Variants in FARP1 observed in about 807,000 individuals in gnomAD.
FARP1 encodes FERM, ARH/RhoGEF and pleckstrin domain protein 1.
FARP1 carries 52 observed loss-of-function variants against 128.8 expected under a neutral mutation model. The observed-to-expected ratio is 0.40, with a 90% CI of 0.32 to 0.51. The LOEUF (loss-of-function observed/expected upper bound fraction) is 0.51. Ranked by LOEUF, FARP1 falls within the 20% of genes least tolerant of loss-of-function variation. The pLI, the probability that FARP1 is intolerant of heterozygous loss-of-function variation, is 0.45. For synonymous variants in FARP1, 580 were observed against 551.8 expected (o/e 1.05, Z -0.72); for missense variants, 1,333 against 1,367.9 (o/e 0.97, Z 0.40).
At chr13:98,428,650 C>T (rs908597713) in intron 17 of FARP1, among the ~76,000 whole-genome samples, 1 of 152,182 alleles carries the variant, frequency 6.6e-6, no homozygotes, top group African/African-American at 2.4e-5. Flanking sequence ...CTCTCCAGAC[C>T]CTGCTCCCAA....
intron 1 of FARP1, among the ~76,000 whole-genome samples, chr13:98,210,050 T>C (rs1594273758): frequency 6.6e-6 from 1 of 151,774 alleles, no homozygotes; most frequent in East Asian, 1.9e-4. Context: ...AAAACTTTGT[T>C]GATACTATAG....
At chr13:98,180,636 T>G (rs1878438147) in intron 1 of FARP1, among the ~76,000 whole-genome samples, 1 of 152,232 alleles carries the variant, frequency 6.6e-6, no homozygotes, top group Admixed American at 6.5e-5. Context: ...GTTGAGATTT[T>G]TCAGCTCACT....
intron 1 of FARP1, among the ~76,000 whole-genome samples, chr13:98,185,580 G>A (rs1347096496): frequency 6.6e-6 from 1 of 151,970 alleles, no homozygotes; most frequent in African/African-American, 2.4e-5. Context: ...ACCATTCCTG[G>A]GAAGCAGCAT....
chr13:98,353,869 C>T (rs897983506), intron 3 of FARP1, among the ~76,000 whole-genome samples: 4 of 150,494 alleles, frequency 2.7e-5, no homozygotes, highest in African/African-American at 9.8e-5. Flanking sequence ...CTTCTTACCA[C>T]AATTTTTAAG....
intron 17 of FARP1, chr13:98,425,367 G>GTT (rs60633064): frequency 0.18 from 25,975 of 147,362 alleles, 2,351 homozygotes; most frequent in Middle Eastern, 0.25. Flanking sequence ...GGCAAATATA[G>GTT]TTTTTTTTTT....
At chr13:98,350,763 C>G (rs545163549) in intron 3 of FARP1, among the ~76,000 whole-genome samples, 1 of 152,124 alleles carries the variant, frequency 6.6e-6, no homozygotes, top group African/African-American at 2.4e-5. Context: ...TTCCCCTCCC[C>G]GGGCTAGCCA....
chr13:98,333,231 G>T (rs1220230692), intron 2 of FARP1: 1 of 152,122 alleles, frequency 6.6e-6, no homozygotes, highest in Admixed American at 6.6e-5. Context: ...AAAGTATCAA[G>T]CTGTCAAGAT....
intron 16 of FARP1, among the ~76,000 whole-genome samples, chr13:98,421,113 A>G (rs9582229): frequency 2.0e-5 from 3 of 152,060 alleles, no homozygotes; most frequent in South Asian, 2.1e-4. Context: ...CCTCTTTACA[A>G]TTAGGGATTT....
chr13:98,186,109 T>TC (rs556213286), intron 1 of FARP1, among the ~76,000 whole-genome samples: 48 of 152,110 alleles, frequency 3.2e-4, no homozygotes, highest in Admixed American at 6.5e-4. Flanking sequence ...CTTTTTCTTT[T>TC]CTTTTTTTTT....
chr13:98,316,273 A>C (rs1189164569), intron 2 of FARP1, among the ~76,000 whole-genome samples: 1 of 152,126 alleles, frequency 6.6e-6, no homozygotes, highest in Non-Finnish European at 1.5e-5. Context: ...CACCATTAAC[A>C]AGCAAAACCC....
Position 98,435,689 on chromosome 13 carries a change from C to G in FARP1, c.2257C>G (p.Leu753Val). 6.2e-7 allele frequency: 1 copy of G among 1,614,154 alleles called. No homozygotes were observed. The highest frequency in any genetic ancestry group is 1.7e-5 in the Admixed American group (1 of 60,030). ...GAAAGATTTGATTGGCATTGACAAT[C>G]TTGTGGTTCCGGGAAGGGTAAGCAG... ...LKKDLIGIDN[L>V]VVPGREFIRL... Residue 753 changes from leucine to valine, a missense_variant, in exon 19 of 27, where the codon CTT becomes GTT. Leu to Val is a conservative substitution (Grantham distance 32, BLOSUM62 1). This residue lies in a region of FARP1 where 1,009 missense variants were observed against 969.8 expected (regional missense o/e 1.04). Transcript: ENST00000319562.
rs144494795 is a variant in FARP1, at chr13:98,307,403, C to T, written c.172-36359C>T. Among the ~76,000 whole-genome samples the T allele has an allele frequency of 1.5e-4, 23 of 152,190 alleles. No homozygotes were observed. The East Asian group carries it at 4.4e-3, about 29-fold the overall frequency. On this transcript the variant is annotated intron_variant, in intron 2 of 26. Transcript: ENST00000319562. Reference sequence around the variant, plus strand: ...GCTCCTCCTGAAACGCGTCCCTTGCCCCGGTTTCCCCCACCACCCCAGCCT... The same window carrying T: ...GCTCCTCCTGAAACGCGTCCCTTGCTCCGGTTTCCCCCACCACCCCAGCCT...
intron 5 of FARP1, among the ~76,000 whole-genome samples, chr13:98,370,056 A>G (rs1187751560): frequency 1.3e-5 from 2 of 152,266 alleles, no homozygotes; most frequent in African/African-American, 4.8e-5. Flanking sequence ...AAACAAGATA[A>G]TATCAGATAG....
At chr13:98,244,414 A>C (rs1882946012) in intron 2 of FARP1, 2 of 1,332,400 alleles carry the variant, frequency 1.5e-6, no homozygotes, top group Non-Finnish European at 2.1e-6. Context: ...GTGTCTCTTT[A>C]TTGTTACTGT....
At chr13:98,321,605 T>G (rs527637713) in intron 2 of FARP1, among the ~76,000 whole-genome samples, 17 of 152,276 alleles carry the variant, frequency 1.1e-4, no homozygotes, top group Non-Finnish European at 2.2e-4. Flanking sequence ...AGAAACACTT[T>G]AATATGGAGG....
rs117050884 is a variant in FARP1 at position 98,170,276 on chromosome 13, C to T, written c.-24+26784C>T. On this transcript the variant is annotated intron_variant, in intron 1 of 26. Coordinates refer to ENST00000319562, the MANE Select transcript of FARP1 (RefSeq NM_005766.4). ...TCAGATCATTGCAACCTCTGCCTCC[C>T]GTGTTCAAGCAATCTTCCCACCTCA... Among the ~76,000 whole-genome samples, 937 of 151,972 alleles carry T rather than the reference C, an allele frequency of 6.2e-3. 12 individuals are homozygous for T. Among genetic ancestry groups the T allele is most frequent in the East Asian group, 0.048 (247 of 5,146 alleles).
intron 21 of FARP1, among the ~76,000 whole-genome samples, chr13:98,439,479 G>C (rs1458943714): frequency 2.6e-5 from 4 of 152,144 alleles, no homozygotes; most frequent in African/African-American, 9.7e-5. Flanking sequence ...TCGAGTGAAA[G>C]GGTAAGCTGA....
intron 16 of FARP1, among the ~76,000 whole-genome samples, chr13:98,419,481 A>T (rs1245333436): frequency 7.7e-5 from 5 of 64,858 alleles, no homozygotes; most frequent in Admixed American, 2.0e-4. Context: ...TCCAAAAAAA[A>T]ATACACACAC....
At chr13:98,418,654 G>T (rs566222550) in intron 16 of FARP1, among the ~76,000 whole-genome samples, 3 of 152,304 alleles carry the variant, frequency 2.0e-5, no homozygotes, top group Admixed American at 2.0e-4. Flanking sequence ...AGCTCACAGT[G>T]CTTTGAGAGC....
Sources: allele counts gnomAD v4.1 joint callset (sites outside exome capture counted in the v4.1 genomes callset), GRCh38; gene constraint gnomAD v4.1.1; regional missense constraint gnomAD v4.1.1; transcripts MANE v1.5; gene names NCBI Gene and HGNC (gene_info 2026-07-23, HGNC 2026-07-21).